The following MYO1H variants were observed in gnomAD, a reference collection of about 807,000 sequenced individuals.
The protein encoded by MYO1H is myosin IH, also known as unconventional myosin-Ih.
In MYO1H, 118 loss-of-function variants were observed where a neutral mutation model predicts 149.3. That is an observed-to-expected ratio of 0.79 (90% confidence interval 0.68 to 0.92). The LOEUF (loss-of-function observed/expected upper bound fraction) is 0.92. MYO1H is among the 40% of genes least tolerant of loss of function. The pLI, the probability that MYO1H is intolerant of heterozygous loss-of-function variation, is 0.00. For missense variants in MYO1H, 1,212 were observed against 1,280.7 expected, an observed-to-expected ratio of 0.95 and a Z score of 0.82; for synonymous variants, 447 against 465.2, an observed-to-expected ratio of 0.96 and a Z score of 0.50.
chr12:109,357,884 A>G (rs947525985), intron 1 of MYO1H, among the ~76,000 whole-genome samples: 1 of 150,528 alleles, frequency 6.6e-6, no homozygotes, highest in African/African-American at 2.5e-5. Context: ...ATGAAATACT[A>G]TTCTCTTGAT....
At chr12:109,324,644 A>G in the MYO1H span, among the ~76,000 whole-genome samples, 2 of 151,690 alleles carry the variant, frequency 1.3e-5, no homozygotes, top group African/African-American at 4.8e-5. Context: ...TTCTTTCTAC[A>G]TTTGTTACCT....
intron 1 of MYO1H, among the ~76,000 whole-genome samples, chr12:109,376,131 C>T (rs1039975780): frequency 2.0e-5 from 3 of 151,514 alleles, no homozygotes; most frequent in Non-Finnish European, 4.4e-5. Flanking sequence ...ATACACCATA[C>T]AATTTAGAGT....
chr12:109,401,335 C>A (rs139116040), intron 6 of MYO1H, 63 bp downstream of exon 6: 1 of 1,498,054 alleles, frequency 6.7e-7, no homozygotes, highest in South Asian at 1.3e-5. Context: ...GATGTTTCTA[C>A]GTGCTGCTGT....
At chr12:109,431,311 C>T (rs78709334) in intron 19 of MYO1H, among the ~76,000 whole-genome samples, 10,107 of 142,708 alleles carry the variant, frequency 0.071, 373 homozygotes, top group Middle Eastern at 0.15. Context: ...ACCTGGGAGG[C>T]GGAGCTTGCA....
chr12:109,393,301 C>T (rs1220259192), intron 2 of MYO1H, 30 bp from the exon 3 acceptor site: 1 of 1,396,296 alleles, frequency 7.2e-7, no homozygotes, highest in Admixed American at 2.0e-5. Context: ...CCCCAGAATT[C>T]CTCACTTGTG....
intron 28 of MYO1H, 123 bp downstream of exon 28, chr12:109,443,772 G>A: frequency 3.9e-6 from 4 of 1,028,512 alleles, no homozygotes; most frequent in East Asian, 2.6e-5. Context: ...GGGTAGTGAT[G>A]CACACCTGTA....
chr12:109,339,707 G>A, the MYO1H span, among the ~76,000 whole-genome samples: 1 of 152,148 alleles, frequency 6.6e-6, no homozygotes, highest in Non-Finnish European at 1.5e-5. Flanking sequence ...GCAGGGAGAG[G>A]AAGCCTTAAA....
At chr12:109,360,662 C>CA (rs1178007243) in intron 1 of MYO1H, among the ~76,000 whole-genome samples, 1 of 143,580 alleles carries the variant, frequency 7.0e-6, no homozygotes, top group Non-Finnish European at 1.6e-5. Flanking sequence ...GAACTGGAGT[C>CA]AAAAAAATCT....
At chr12:109,387,663 TG>T (rs893616300) in intron 1 of MYO1H, among the ~76,000 whole-genome samples, 5 of 152,152 alleles carry the variant, frequency 3.3e-5, no homozygotes, top group African/African-American at 1.2e-4. Context: ...ACGTGGTATG[TG>T]GGGGGGACAC....
chr12:109,320,455 CAAAAAAAAAAAAA>C, the MYO1H span, among the ~76,000 whole-genome samples: 1 of 63,326 alleles, frequency 1.6e-5, no homozygotes, highest in African/African-American at 6.4e-5. Context: ...ATTAAAAATA[CAAAAAAAAAAAAA>C]AAAAAAAAAG....
At chr12:109,337,531 C>T in the MYO1H span, among the ~76,000 whole-genome samples, 2 of 152,178 alleles carry the variant, frequency 1.3e-5, no homozygotes, top group African/African-American at 2.4e-5. Flanking sequence ...ACACGTCATA[C>T]ATGGCAGCAG....
Position 109,445,601 on chromosome 12 carries a change from C to T in MYO1H, c.3082C>T (p.Gln1028Ter). 1.2e-6 allele frequency: 2 copies of T among 1,611,850 alleles called. No homozygotes were observed. The highest frequency in any genetic ancestry group is 1.7e-6 in the Non-Finnish European group (2 of 1,179,366). Residue 1028 changes from glutamine (Q) to a stop codon, truncating the protein, a stop_gained, in exon 31 of 32, where the codon CAA becomes TAA. Transcript: ENST00000310903. LOFTEE classifies it high-confidence loss of function. ...ACAAGTCTATAAAAATAAAAATGGACAATTAACAGTGGTGAGTGGCCGTCT... is the reference window on the plus strand; with the variant it reads ...ACAAGTCTATAAAAATAAAAATGGATAATTAACAGTGGTGAGTGGCCGTCT...
intron 1 of MYO1H, among the ~76,000 whole-genome samples, chr12:109,364,257 G>A (rs1190151509): frequency 6.6e-6 from 1 of 150,488 alleles, no homozygotes; most frequent in African/African-American, 2.4e-5. Flanking sequence ...GTAACTGTCT[G>A]TCCAGTCCAG....
chr12:109,350,135 C>T (rs1008962132), intron 1 of MYO1H, among the ~76,000 whole-genome samples: 3 of 151,970 alleles, frequency 2.0e-5, no homozygotes, highest in East Asian at 3.9e-4. Flanking sequence ...TGCTTCGTGC[C>T]GTTGATTGTC....
At chr12:109,435,291 G>A (rs376336056) in intron 21 of MYO1H, among the ~76,000 whole-genome samples, 178 bp downstream of exon 21, 19 of 152,302 alleles carry the variant, frequency 1.2e-4, no homozygotes, top group African/African-American at 4.6e-4. Context: ...ATGACTGCTT[G>A]GAGGTCAGTC....
chr12:109,405,017 C>T (rs1202068356), intron 7 of MYO1H, among the ~76,000 whole-genome samples: 2 of 151,768 alleles, frequency 1.3e-5, no homozygotes, highest in Non-Finnish European at 2.9e-5. Context: ...TTGAGACTAG[C>T]CTGGGGAACA....
rs768037044 is a variant in MYO1H at position 109,405,872 on chromosome 12, C to CTCTT, written c.850-47_850-44dup. 25 of 1,363,434 alleles carry CTCTT rather than the reference C, an allele frequency of 1.8e-5. 1 individual carries two copies. In the African/African-American group the frequency reaches 3.6e-4, roughly 19 times the overall value. The allele number at this position is 1,363,434 out of a possible 1,614,324, so 84.5% of individuals were successfully genotyped here. A position where few individuals can be genotyped will look rare whatever the true frequency, so the allele number is the denominator to read the frequency against. On this transcript the variant is annotated intron_variant, in intron 7 of 31. Coordinates refer to ENST00000310903, the Ensembl canonical transcript of MYO1H. ...ATGTATCAATTAGGCGGCCACCGTT[C>CTCTT]TCTTTCCCTGTCCTGATCTCCTGTC...
At chr12:109,339,135 TG>T in the MYO1H span, among the ~76,000 whole-genome samples, 8 of 151,700 alleles carry the variant, frequency 5.3e-5, no homozygotes, top group Non-Finnish European at 8.8e-5. Flanking sequence ...GAGGCCAAAG[TG>T]GGTGGATCAC....
chr12:109,433,122 G>A (rs1309651581), intron 20 of MYO1H, 112 bp downstream of exon 20: 1 of 825,426 alleles, frequency 1.2e-6, no homozygotes, highest in Non-Finnish European at 2.0e-6. Flanking sequence ...GATTTATGGA[G>A]ATTTGCGAGA....
Sources: allele counts gnomAD v4.1 joint callset (sites outside exome capture counted in the v4.1 genomes callset), GRCh38; gene constraint gnomAD v4.1.1; transcripts MANE v1.5; gene names NCBI Gene and HGNC (gene_info 2026-07-23, HGNC 2026-07-21).